BBS9: variants seen among roughly 807,000 people sequenced by gnomAD.
The protein encoded by BBS9 is protein PTHB1.
A neutral mutation model predicts 117.7 loss-of-function variants in BBS9; 89 were observed. The observed-to-expected ratio is 0.76, with a 90% CI of 0.64 to 0.90. BBS9 has a LOEUF of 0.90. BBS9 is among the 40% of genes least tolerant of loss of function. BBS9 has a pLI of 0.00. For missense variants in BBS9, 982 were observed against 1,042.2 expected (o/e 0.94, Z 0.80); for synonymous variants, 379 against 370.9 (o/e 1.02, Z -0.25).
intron 19 of BBS9, among the ~76,000 whole-genome samples, chr7:33,439,230 C>T (rs1351990827): frequency 6.6e-6 from 1 of 152,106 alleles, no homozygotes; most frequent in African/African-American, 2.4e-5. Context: ...CCTATATTTG[C>T]TCTCTCCTTT....
At chr7:33,473,294 A>T (rs973737090) in intron 19 of BBS9, among the ~76,000 whole-genome samples, 1 of 152,126 alleles carries the variant, frequency 6.6e-6, no homozygotes, top group South Asian at 2.1e-4. Flanking sequence ...AAGTATCTGC[A>T]TGCAACAATT....
chr7:33,289,902 C>T (rs566296174), intron 9 of BBS9, among the ~76,000 whole-genome samples: 15 of 152,054 alleles, frequency 9.9e-5, no homozygotes, highest in African/African-American at 2.7e-4. Context: ...ATTAGCTAGG[C>T]GTAGTGCTAC....
intron 5 of BBS9, among the ~76,000 whole-genome samples, chr7:33,236,499 A>G (rs1307141647): frequency 6.6e-6 from 1 of 151,788 alleles, no homozygotes; most frequent in Non-Finnish European, 1.5e-5. Context: ...ACTGTCCATT[A>G]TAAGCTTTTC....
At chr7:33,406,455 G>A (rs935410199) in intron 19 of BBS9, among the ~76,000 whole-genome samples, 21 of 152,046 alleles carry the variant, frequency 1.4e-4, no homozygotes, top group Admixed American at 5.2e-4. Context: ...ATAGTGTTAT[G>A]TGTGAATTTG....
chr7:33,326,555 G>A (rs1812896447), intron 9 of BBS9, among the ~76,000 whole-genome samples: 2 of 151,976 alleles, frequency 1.3e-5, no homozygotes, highest in South Asian at 4.2e-4. Flanking sequence ...AGCAAAATGA[G>A]TCTCCCCCAT....
At chr7:33,345,808 C>T (rs1817488135) in intron 12 of BBS9, among the ~76,000 whole-genome samples, 1 of 152,182 alleles carries the variant, frequency 6.6e-6, no homozygotes, top group East Asian at 1.9e-4. Context: ...CAGACACATA[C>T]ATGTAATAAT....
intron 21 of BBS9, among the ~76,000 whole-genome samples, chr7:33,544,682 G>A (rs1223396246): frequency 6.6e-6 from 1 of 152,206 alleles, no homozygotes; most frequent in Non-Finnish European, 1.5e-5. Flanking sequence ...CCTGCCAGGA[G>A]GTGGTACTTT....
intron 19 of BBS9, among the ~76,000 whole-genome samples, chr7:33,496,331 C>G (rs1187523112): frequency 1.3e-5 from 2 of 152,036 alleles, no homozygotes; most frequent in Non-Finnish European, 2.9e-5. Flanking sequence ...TGGTGAAACT[C>G]TGTCTCTATT....
chr7:33,353,295 A>C (rs1451738293), intron 15 of BBS9, among the ~76,000 whole-genome samples: 1 of 152,156 alleles, frequency 6.6e-6, no homozygotes, highest in Non-Finnish European at 1.5e-5. Flanking sequence ...TCTCTGTGAT[A>C]AGAATGGTGT....
rs574675047 is a variant in BBS9 at position 33,535,108 on chromosome 7, G to A, written c.2521+932G>A. On this transcript the variant is annotated intron_variant, in intron 21 of 22. Transcript: ENST00000242067. ...ATTGTAAAAGATAAACATGGAGACA[G>A]CATAGCATGATCTAATAGGCACAGA... is the stretch of plus-strand genomic sequence containing the variant. Among the ~76,000 whole-genome samples the A allele has an allele frequency of 2.0e-5, 3 of 152,300 alleles. No individual in the cohort carries two copies. In the South Asian group the frequency reaches 6.2e-4, roughly 32 times the overall value.
At chr7:33,552,705 C>G (rs1854629151) in intron 21 of BBS9, among the ~76,000 whole-genome samples, 1 of 152,176 alleles carries the variant, frequency 6.6e-6, no homozygotes, top group Admixed American at 6.5e-5. Flanking sequence ...AAGCTCCAAT[C>G]TCATCTCAAA....
chr7:33,628,403 A>G (rs1022148075), intron 21 of BBS9, among the ~76,000 whole-genome samples: 2 of 152,234 alleles, frequency 1.3e-5, no homozygotes, highest in South Asian at 2.1e-4. Flanking sequence ...ACATTCTGAA[A>G]TCAATCAAGA....
intron 21 of BBS9, among the ~76,000 whole-genome samples, chr7:33,582,262 G>A (rs1263338618): frequency 6.6e-6 from 1 of 152,080 alleles, no homozygotes; most frequent in Admixed American, 6.6e-5. Flanking sequence ...TCCAGGCTGA[G>A]TAAACTGTAT....
intron 21 of BBS9, among the ~76,000 whole-genome samples, chr7:33,590,508 T>G (rs1861735102): frequency 6.8e-6 from 1 of 147,402 alleles, no homozygotes; most frequent in South Asian, 2.1e-4. Flanking sequence ...AAGGTTTTAT[T>G]TGAATATTTA....
chr7:33,515,618 T>C (rs535860704), intron 20 of BBS9, among the ~76,000 whole-genome samples: 78 of 152,358 alleles, frequency 5.1e-4, no homozygotes, highest in African/African-American at 1.8e-3. Flanking sequence ...TTTAATGCTC[T>C]CACAATAGTC....
At chr7:33,300,331 C>T (rs1271478789) in intron 9 of BBS9, among the ~76,000 whole-genome samples, 1 of 152,144 alleles carries the variant, frequency 6.6e-6, no homozygotes. Flanking sequence ...CAGCTTCTGG[C>T]ATGGAGCAGA....
At chr7:33,574,489 A>G (rs1033951052) in intron 21 of BBS9, among the ~76,000 whole-genome samples, 4 of 152,122 alleles carry the variant, frequency 2.6e-5, no homozygotes, top group Non-Finnish European at 4.4e-5. Context: ...GGTCACATGC[A>G]TGTTCAAGGT....
chr7:33,192,813 A>C (rs533135135), intron 5 of BBS9, among the ~76,000 whole-genome samples: 13 of 152,224 alleles, frequency 8.5e-5, no homozygotes, highest in Admixed American at 8.5e-4. Context: ...GTGTCCTCAC[A>C]TGGCAGAAGA....
intron 19 of BBS9, among the ~76,000 whole-genome samples, chr7:33,482,167 A>C (rs1842593034): frequency 6.6e-6 from 1 of 152,178 alleles, no homozygotes; most frequent in Admixed American, 6.5e-5. Flanking sequence ...CTTTAGGAGA[A>C]TGGGAACATA....
Sources: allele counts gnomAD v4.1 joint callset (sites outside exome capture counted in the v4.1 genomes callset), GRCh38; gene constraint gnomAD v4.1.1; transcripts MANE v1.5; gene names NCBI Gene and HGNC (gene_info 2026-07-23, HGNC 2026-07-21).